Variants in SRBD1 observed in about 807,000 individuals in gnomAD.
SRBD1 encodes the protein S1 RNA binding domain 1.
Under a neutral mutation model 115.3 loss-of-function variants are expected in SRBD1, and 88 were observed. The observed-to-expected ratio is 0.76, with a 90% confidence interval of 0.64 to 0.91. The LOEUF is 0.91. Among genes scored for constraint, SRBD1 ranks in the 40% least tolerant of loss-of-function variants. The pLI, the probability that SRBD1 is intolerant of heterozygous loss-of-function variation, is 0.00. For synonymous variants in SRBD1, 509 were observed against 407.7 expected (o/e 1.25, Z -2.99); for missense variants, 1,385 against 1,177.4 (o/e 1.18, Z -2.58).
At chr2:45,586,673 T>C (rs1914313) in intron 4 of SRBD1, among the ~76,000 whole-genome samples, 7,460 of 151,388 alleles carry the variant, frequency 0.049, 587 homozygotes, top group African/African-American at 0.16. Flanking sequence ...AGCCTCCAAA[T>C]AGCTGGGACT....
At chr2:45,571,831 T>C (rs955010114) in intron 9 of SRBD1, among the ~76,000 whole-genome samples, 2 of 151,656 alleles carry the variant, frequency 1.3e-5, no homozygotes, top group African/African-American at 2.4e-5. Flanking sequence ...AATGGGAATA[T>C]ACAGTCAGAG....
At chr2:45,490,112 C>T (rs1197397278) in intron 14 of SRBD1, among the ~76,000 whole-genome samples, 1 of 152,038 alleles carries the variant, frequency 6.6e-6, no homozygotes, top group Non-Finnish European at 1.5e-5. Flanking sequence ...TTACATTACG[C>T]TTATCTTCTA....
intron 15 of SRBD1, among the ~76,000 whole-genome samples, chr2:45,485,481 A>C (rs1413692506): frequency 6.6e-6 from 1 of 152,096 alleles, no homozygotes; most frequent in Non-Finnish European, 1.5e-5. Context: ...AAGGAATAAA[A>C]CATACACTCA....
chr2:45,546,292 A>G (rs1672117035), intron 14 of SRBD1: 1 of 985,344 alleles, frequency 1.0e-6, no homozygotes, highest in Non-Finnish European at 1.2e-6. Flanking sequence ...AATACTGGAA[A>G]TACTTTTTAA....
chr2:45,445,512 A>G (rs546722196), intron 16 of SRBD1, among the ~76,000 whole-genome samples: 2 of 140,702 alleles, frequency 1.4e-5, no homozygotes, highest in African/African-American at 5.2e-5. Flanking sequence ...GTTTCTCTCT[A>G]TAGTGTGAAA....
At chr2:45,583,862 C>A (rs1327181372) in intron 5 of SRBD1, among the ~76,000 whole-genome samples, 8 of 152,144 alleles carry the variant, frequency 5.3e-5, no homozygotes, top group Non-Finnish European at 1.5e-5. Flanking sequence ...TCAATGTATT[C>A]CCCTATTCAT....
chr2:45,422,090 C>G (rs190449178), intron 16 of SRBD1, among the ~76,000 whole-genome samples: 7 of 151,766 alleles, frequency 4.6e-5, no homozygotes, highest in Admixed American at 3.3e-4. Context: ...ATGATAGCAA[C>G]AAGAAAAAAT....
intron 9 of SRBD1, among the ~76,000 whole-genome samples, chr2:45,572,814 G>A (rs766835257): frequency 1.3e-5 from 2 of 152,060 alleles, no homozygotes; most frequent in Non-Finnish European, 2.9e-5. Context: ...TACAATGACT[G>A]ATTTATATAA....
At chr2:45,550,477 C>T (rs1449810769) in intron 12 of SRBD1, among the ~76,000 whole-genome samples, 2 of 102,768 alleles carry the variant, frequency 1.9e-5, no homozygotes, top group African/African-American at 7.9e-5. Flanking sequence ...GACTTCTCAA[C>T]AAAAATTACA....
intron 2 of SRBD1, among the ~76,000 whole-genome samples, chr2:45,604,080 T>G (rs1029265021): frequency 9.9e-5 from 15 of 152,106 alleles, no homozygotes; most frequent in African/African-American, 3.6e-4. Context: ...TATCCCAAAT[T>G]AGACCATTTC....
At chr2:45,461,385 G>A (rs1233264518) in intron 16 of SRBD1, among the ~76,000 whole-genome samples, 1 of 152,182 alleles carries the variant, frequency 6.6e-6, no homozygotes, top group Non-Finnish European at 1.5e-5. Flanking sequence ...ATACTGCTGG[G>A]AAGATGACCT....
At position 45,562,434 on chromosome 2, in the gene SRBD1, A is replaced by G. The variant is rs1039832074; in HGVS notation, c.1409+219T>C. 9.9e-5 allele frequency among the ~76,000 whole-genome samples: 15 copies of G among 152,106 alleles called. 1 individual carries two copies. The highest frequency in any genetic ancestry group is 7.2e-4 in the Admixed American group (11 of 15,280). ...TTTTCAGTAGAGACAGGGTTTCACC[A>G]TCTTGGCCAGGCTCATATTGAACTC... is the stretch of plus-strand genomic sequence containing the variant. On this transcript the variant is annotated intron_variant, in intron 10 of 20. Transcript: ENST00000263736.
At chr2:45,435,317 C>G (rs1668460053) in intron 16 of SRBD1, among the ~76,000 whole-genome samples, 1 of 151,970 alleles carries the variant, frequency 6.6e-6, no homozygotes, top group Non-Finnish European at 1.5e-5. Context: ...AGCTTTCTGT[C>G]TGAGAACACT....
chr2:45,562,785 T>C (rs372658999), intron 9 of SRBD1, 29 bp from the exon 10 acceptor site: 1 of 1,480,246 alleles, frequency 6.8e-7, no homozygotes, highest in South Asian at 1.2e-5. Flanking sequence ...CAAAGACTAA[T>C]AATCCACAAA....
At chr2:45,607,097 C>T (rs1674296523) in intron 1 of SRBD1, among the ~76,000 whole-genome samples, 1 of 152,190 alleles carries the variant, frequency 6.6e-6, no homozygotes, top group South Asian at 2.1e-4. Flanking sequence ...GGATAATCTT[C>T]CATCTTTCCC....
chr2:45,426,958 ACTC>A (rs1668172733), intron 16 of SRBD1, among the ~76,000 whole-genome samples: 1 of 152,066 alleles, frequency 6.6e-6, no homozygotes, highest in Admixed American at 6.5e-5. Flanking sequence ...AAGGATCACA[ACTC>A]CTCGCCAGCA....
chr2:45,543,836 A>T (rs1672024406), intron 14 of SRBD1, among the ~76,000 whole-genome samples: 1 of 152,214 alleles, frequency 6.6e-6, no homozygotes, highest in Non-Finnish European at 1.5e-5. Context: ...AAATGGTTCA[A>T]CTGTAGAAAA....
chr2:45,590,346 C>T (rs1673680215), intron 4 of SRBD1, among the ~76,000 whole-genome samples: 1 of 152,144 alleles, frequency 6.6e-6, no homozygotes, highest in South Asian at 2.1e-4. Context: ...AAACAAATCC[C>T]CTTCCTGCCT....
At chr2:45,418,609 G>A in intron 17 of SRBD1, 68 bp from the exon 18 acceptor site, 2 of 1,400,316 alleles carry the variant, frequency 1.4e-6, no homozygotes, top group Non-Finnish European at 1.9e-6. Flanking sequence ...TAAAACATTT[G>A]GATCATAAAA....
Sources: gnomAD v4.1 joint callset for allele counts (sites outside exome capture counted in the v4.1 genomes callset) on GRCh38, gnomAD v4.1.1 for gene constraint, MANE v1.5 for transcripts, NCBI Gene and HGNC (gene_info 2026-07-23, HGNC 2026-07-21) for gene names.